ATXN1: variants seen among roughly 807,000 people sequenced by gnomAD.
ATXN1 encodes ataxin-1.
ATXN1 carries 8 observed loss-of-function variants against 56.4 expected under a neutral mutation model. That is an observed-to-expected ratio of 0.14 (90% CI 0.08 to 0.26). The LOEUF (loss-of-function observed/expected upper bound fraction) is 0.26, where lower values mean the gene tolerates loss of function less well. Among genes scored for constraint, ATXN1 ranks in the 10% least tolerant of loss-of-function variants. The pLI is 1.00. For missense variants in ATXN1, 987 were observed against 1,106.5 expected, an observed-to-expected ratio of 0.89 and a Z score of 1.53; for synonymous variants, 514 against 494.6, an observed-to-expected ratio of 1.04 and a Z score of -0.52.
chr6:16,737,511 A>G (rs973650471), intron 2 of ATXN1: 1 of 152,230 alleles, frequency 6.6e-6, no homozygotes, highest in Non-Finnish European at 1.5e-5. Flanking sequence ...TCTGAGAAAT[A>G]ACAATGGAGC....
chr6:16,692,584 C>T (rs972908476), intron 2 of ATXN1, among the ~76,000 whole-genome samples: 4 of 152,062 alleles, frequency 2.6e-5, no homozygotes, highest in Non-Finnish European at 5.9e-5. Flanking sequence ...TTTTGGAAAA[C>T]ATTTCATATA....
At chr6:16,354,950 A>C (rs1052233569) in intron 6 of ATXN1, among the ~76,000 whole-genome samples, 17 of 152,246 alleles carry the variant, frequency 1.1e-4, no homozygotes, top group Admixed American at 9.2e-4. Context: ...AGAGGCCCTG[A>C]CAGCTGCACA....
At chr6:16,647,185 A>G (rs147165920) in intron 3 of ATXN1, among the ~76,000 whole-genome samples, 341 of 152,164 alleles carry the variant, frequency 2.2e-3, no homozygotes, top group African/African-American at 7.6e-3. Context: ...TTATATTTTT[A>G]GTAGAGATGG....
chr6:16,315,021 T>C (rs961981170), intron 7 of ATXN1, among the ~76,000 whole-genome samples: 10 of 151,780 alleles, frequency 6.6e-5, no homozygotes, highest in African/African-American at 2.4e-4. Context: ...CTTAGAAGAG[T>C]ATCTATTGGT....
chr6:16,574,981 C>T (rs924606759), intron 4 of ATXN1, among the ~76,000 whole-genome samples: 2 of 146,700 alleles, frequency 1.4e-5, no homozygotes, highest in Non-Finnish European at 2.9e-5. Flanking sequence ...GAATGTCCTT[C>T]CATTTGAGTT....
At chr6:16,362,581 C>T (rs1043995804) in intron 6 of ATXN1, among the ~76,000 whole-genome samples, 1 of 152,156 alleles carries the variant, frequency 6.6e-6, no homozygotes, top group African/African-American at 2.4e-5. Flanking sequence ...CACGGCTCTT[C>T]CCACCAGCAG....
chr6:16,704,839 T>C (rs537687568), intron 2 of ATXN1, among the ~76,000 whole-genome samples: 51 of 152,296 alleles, frequency 3.3e-4, no homozygotes, highest in Non-Finnish European at 5.9e-4. Flanking sequence ...GCTTAGTCAT[T>C]TCCAAACGTC....
At chr6:16,568,503 A>G (rs890949079) in intron 4 of ATXN1, among the ~76,000 whole-genome samples, 1 of 152,260 alleles carries the variant, frequency 6.6e-6, no homozygotes, top group African/African-American at 2.4e-5. Flanking sequence ...AAACAGTGTT[A>G]TAAATAGTGC....
At chr6:16,630,349 A>T (rs575170574) in intron 3 of ATXN1, among the ~76,000 whole-genome samples, 9 of 152,342 alleles carry the variant, frequency 5.9e-5, no homozygotes, top group African/African-American at 2.2e-4. Flanking sequence ...CATTTACAGA[A>T]CCAGCCTTAT....
At chr6:16,525,507 A>T (rs1332120180) in intron 4 of ATXN1, among the ~76,000 whole-genome samples, 1 of 151,784 alleles carries the variant, frequency 6.6e-6, no homozygotes, top group Non-Finnish European at 1.5e-5. Flanking sequence ...GAGTAGGAGG[A>T]TGGCTACCAA....
chr6:16,707,975 T>C (rs1759441619), intron 2 of ATXN1, among the ~76,000 whole-genome samples: 1 of 152,052 alleles, frequency 6.6e-6, no homozygotes, highest in Non-Finnish European at 1.5e-5. Flanking sequence ...ATAAAAATGA[T>C]TACAGTAAGG....
At chr6:16,422,635 G>A (rs1561889890) in intron 6 of ATXN1, among the ~76,000 whole-genome samples, 1 of 152,150 alleles carries the variant, frequency 6.6e-6, no homozygotes, top group Non-Finnish European at 1.5e-5. Flanking sequence ...CCTAAGAGTT[G>A]TCAAGCAAAT....
chr6:16,361,707 T>A (rs926565264), intron 6 of ATXN1, among the ~76,000 whole-genome samples: 1 of 152,214 alleles, frequency 6.6e-6, no homozygotes, highest in African/African-American at 2.4e-5. Flanking sequence ...CTTCCCAAAC[T>A]TCTCCTCCTC....
At chr6:16,625,249 T>C (rs1763387523) in intron 3 of ATXN1, among the ~76,000 whole-genome samples, 2 of 152,222 alleles carry the variant, frequency 1.3e-5, no homozygotes, top group South Asian at 4.1e-4. Context: ...CTACCTACCC[T>C]GGGAGCAAGT....
chr6:16,450,981 C>G (rs552131601), intron 6 of ATXN1, among the ~76,000 whole-genome samples: 29 of 152,338 alleles, frequency 1.9e-4, no homozygotes, highest in Non-Finnish European at 3.5e-4. Flanking sequence ...TAGACCCCCC[C>G]AAGGGCCAAC....
At chr6:16,380,252 A>G (rs1758069508) in intron 6 of ATXN1, among the ~76,000 whole-genome samples, 1 of 151,920 alleles carries the variant, frequency 6.6e-6, no homozygotes, top group Non-Finnish European at 1.5e-5. Context: ...CGGAACAGAG[A>G]CTCTCCTAGT....
At chr6:16,481,506 G>A (rs956692515) in intron 6 of ATXN1, among the ~76,000 whole-genome samples, 3 of 152,112 alleles carry the variant, frequency 2.0e-5, no homozygotes, top group Admixed American at 6.5e-5. Context: ...ATTTATTTTA[G>A]TCTCTCCATT....
intron 5 of ATXN1, among the ~76,000 whole-genome samples, chr6:16,518,913 T>G (rs902482878): frequency 3.3e-5 from 5 of 152,168 alleles, no homozygotes; most frequent in Non-Finnish European, 7.3e-5. Context: ...TGAGGAAATA[T>G]GAAGCCTTTA....
At position 16,608,429 on chromosome 6, in the gene ATXN1, G is replaced by A. The variant is rs150285907; in HGVS notation, c.-488-22522C>T. Among the ~76,000 whole-genome samples the A allele has an allele frequency of 8.7e-3, 1,325 of 152,330 alleles. 63 individuals carry two copies. The highest frequency in any genetic ancestry group is 0.079 in the Admixed American group (1,213 of 15,298). On this transcript the variant is annotated intron_variant, in intron 3 of 7. Transcript: ENST00000436367. ...TCTTAATTTTGACTACACTGTGTTT[G>A]GATGTGGGGAGAACTATTTTTTCAC...
Sources: gnomAD v4.1 joint callset for allele counts (sites outside exome capture counted in the v4.1 genomes callset) on GRCh38, gnomAD v4.1.1 for gene constraint, MANE v1.5 for transcripts, NCBI Gene and HGNC (gene_info 2026-07-23, HGNC 2026-07-21) for gene names.